The following ANOS1 variants were observed in gnomAD, a reference collection of about 807,000 sequenced individuals.
ANOS1 encodes anosmin-1.
In ANOS1, 6 loss-of-function variants were observed where a neutral mutation model predicts 59.0. The observed-to-expected ratio is 0.10, with a 90% CI of 0.06 to 0.20. The LOEUF is 0.20. ANOS1 is among the 10% of genes least tolerant of loss of function. The probability of loss-of-function intolerance (pLI) is 1.00; values close to 1 mark genes in which losing one functional copy is unlikely to be tolerated. For missense variants in ANOS1, 433 were observed against 542.3 expected (o/e 0.80, Z 2.00); for synonymous variants, 217 against 223.4 (o/e 0.97, Z 0.25).
intron 1 of ANOS1, among the ~76,000 whole-genome samples, chrX:8,727,587 T>C (rs184688571): frequency 2.0e-3 from 230 of 112,401 alleles, no homozygotes; most frequent in African/African-American, 7.2e-3. Flanking sequence ...GGGAGGCACC[T>C]GGCTCAATTT....
intron 2 of ANOS1, among the ~76,000 whole-genome samples, chrX:8,628,351 C>A (rs992163803): frequency 8.9e-6 from 1 of 111,970 alleles, no homozygotes; most frequent in Non-Finnish European, 1.9e-5. Flanking sequence ...GATAAGTTTA[C>A]TCAATCAAGC....
At chrX:8,628,555 C>T (rs957985513) in intron 2 of ANOS1, among the ~76,000 whole-genome samples, 2 of 111,740 alleles carry the variant, frequency 1.8e-5, no homozygotes, top group African/African-American at 6.5e-5. Context: ...CTCTCTTCCA[C>T]GAGAGGAGTG....
intron 9 of ANOS1, among the ~76,000 whole-genome samples, chrX:8,550,810 C>CA (rs1929844767): frequency 1.8e-5 from 2 of 108,685 alleles, no homozygotes; most frequent in South Asian, 7.9e-4. Flanking sequence ...CCCTCTACAA[C>CA]AAAAATCAAT....
At chrX:8,570,140 CA>C (rs34481364) in intron 7 of ANOS1, among the ~76,000 whole-genome samples, 8,447 of 73,730 alleles carry the variant, frequency 0.11, 737 homozygotes, top group African/African-American at 0.29. Flanking sequence ...CTCTCTCTCT[CA>C]AAAAAAAAAA....
chrX:8,604,493 G>A (rs1453852066), intron 3 of ANOS1, among the ~76,000 whole-genome samples: 1 of 112,367 alleles, frequency 8.9e-6, no homozygotes, highest in Non-Finnish European at 1.9e-5. Context: ...TTCCTGGGAA[G>A]AGATAGTGGG....
chrX:8,647,597 C>A (rs1249403279), intron 2 of ANOS1, among the ~76,000 whole-genome samples: 2 of 112,186 alleles, frequency 1.8e-5, no homozygotes, highest in Non-Finnish European at 3.8e-5. Context: ...CAAATCCAAA[C>A]TGCTTTGAAG....
At chrX:8,578,302 G>A (rs767556947) in intron 6 of ANOS1, among the ~76,000 whole-genome samples, 1 of 95,007 alleles carries the variant, frequency 1.1e-5, no homozygotes, top group Non-Finnish European at 2.1e-5. Context: ...AGTTGGGGTA[G>A]TGTTCCTTCT....
chrX:8,664,749 A>T (rs1569077098), intron 2 of ANOS1, among the ~76,000 whole-genome samples: 1 of 111,471 alleles, frequency 9.0e-6, no homozygotes, highest in Non-Finnish European at 1.9e-5. Context: ...CTCTGCAGAT[A>T]GGTTTCTCCT....
chrX:8,572,550 T>C (rs1212086537), intron 6 of ANOS1, among the ~76,000 whole-genome samples: 1 of 112,297 alleles, frequency 8.9e-6, no homozygotes, highest in Non-Finnish European at 1.9e-5. Context: ...GGCATTTGGG[T>C]TCATTCCATG....
intron 2 of ANOS1, among the ~76,000 whole-genome samples, chrX:8,691,887 T>TC (rs1387185681): frequency 7.1e-5 from 8 of 112,522 alleles, no homozygotes; most frequent in African/African-American, 1.6e-4. Flanking sequence ...AGTTTTTTTT[T>TC]CACTATTGTT....
chrX:8,723,926 T>C (rs549648546), intron 1 of ANOS1, among the ~76,000 whole-genome samples: 5 of 112,175 alleles, frequency 4.5e-5, no homozygotes, highest in African/African-American at 1.3e-4. Flanking sequence ...GCCTGAACAG[T>C]GCATATTTTC....
chrX:8,659,552 T>A (rs770781908), intron 2 of ANOS1, among the ~76,000 whole-genome samples: 1 of 98,477 alleles, frequency 1.0e-5, no homozygotes. Context: ...CTTCCTTCCT[T>A]CCTTCCTTCC....
At chrX:8,570,823 C>T (rs955027900) in intron 6 of ANOS1, 119 bp from the exon 7 acceptor site, 20 of 698,128 alleles carry the variant, frequency 2.9e-5, no homozygotes, top group Admixed American at 5.3e-5. Flanking sequence ...AAGCTGAAAA[C>T]GGGGGTGGAG....
intron 3 of ANOS1, among the ~76,000 whole-genome samples, chrX:8,612,694 C>T (rs184892331): frequency 3.0e-4 from 33 of 109,112 alleles, no homozygotes; most frequent in African/African-American, 1.1e-3. Flanking sequence ...CATCAAAATG[C>T]TAACGATAAA....
intron 8 of ANOS1, among the ~76,000 whole-genome samples, chrX:8,554,354 T>C (rs1601951494): frequency 9.0e-6 from 1 of 110,525 alleles, no homozygotes; most frequent in African/African-American, 3.3e-5. Flanking sequence ...GTTGGAGAAC[T>C]CCCTCCCCTA....
chrX:8,592,430 A>T lies in ANOS1; in HGVS notation c.542-4452T>A, dbSNP rs1268778485. ...TTTGAAAAGAAACAGACTGAAGTAC[A>T]ATTAATTCTTGGTTTATCCATGGCA... is the stretch of plus-strand genomic sequence containing the variant. On this transcript the variant is annotated intron_variant, in intron 4 of 13. Transcript: ENST00000262648. Among the ~76,000 whole-genome samples, 3 of 112,151 alleles carry T rather than the reference A, an allele frequency of 2.7e-5. No individual in the cohort carries two copies. The Admixed American group carries it at 2.8e-4, about 11-fold the overall frequency.
intron 6 of ANOS1, among the ~76,000 whole-genome samples, chrX:8,579,596 T>C (rs1452881913): frequency 1.8e-5 from 2 of 111,542 alleles, no homozygotes; most frequent in Non-Finnish European, 3.8e-5. Flanking sequence ...AAACAACAGA[T>C]GTTTTCAGGG....
At chrX:8,632,166 G>T (rs970420986) in intron 2 of ANOS1, among the ~76,000 whole-genome samples, 5 of 112,141 alleles carry the variant, frequency 4.5e-5, no homozygotes, top group African/African-American at 1.6e-4. Context: ...GCAACCAAAA[G>T]AGCACTGAGT....
chrX:8,634,756 C>T (rs760286469), intron 2 of ANOS1, among the ~76,000 whole-genome samples: 46 of 111,710 alleles, frequency 4.1e-4, no homozygotes, highest in African/African-American at 1.4e-3. Flanking sequence ...CACAAGTTTT[C>T]TCTAGCTGGC....
Sources: gnomAD v4.1 joint callset for allele counts (sites outside exome capture counted in the v4.1 genomes callset) on GRCh38, gnomAD v4.1.1 for gene constraint, MANE v1.5 for transcripts, NCBI Gene and HGNC (gene_info 2026-07-23, HGNC 2026-07-21) for gene names.